DCP1A: variants seen among roughly 807,000 people sequenced by gnomAD.
The protein encoded by DCP1A is decapping mRNA 1A.
DCP1A carries 20 observed loss-of-function variants against 58.0 expected under a neutral mutation model. That is an observed-to-expected ratio of 0.34 (90% CI 0.24 to 0.50). The LOEUF (loss-of-function observed/expected upper bound fraction) is 0.50, where lower values mean the gene tolerates loss of function less well. DCP1A is among the 20% of genes least tolerant of loss of function. The probability of loss-of-function intolerance (pLI) is 0.98; values close to 1 mark genes in which losing one functional copy is unlikely to be tolerated. For missense variants in DCP1A, 613 were observed against 712.2 expected, an observed-to-expected ratio of 0.86 and a Z score of 1.59; for synonymous variants, 285 against 275.1, an observed-to-expected ratio of 1.04 and a Z score of -0.36.
chr3:53,327,441 T>C (rs186649662), intron 3 of DCP1A, among the ~76,000 whole-genome samples: 1 of 152,330 alleles, frequency 6.6e-6, no homozygotes, highest in East Asian at 1.9e-4. Flanking sequence ...GTATAAAATA[T>C]GGTAATTTTT....
intron 4 of DCP1A, among the ~76,000 whole-genome samples, chr3:53,313,812 G>A (rs1707721257): frequency 1.3e-5 from 2 of 151,788 alleles, no homozygotes; most frequent in South Asian, 4.2e-4. Flanking sequence ...TGGGGAAGAG[G>A]TGAACAGAGA....
rs1312293106 is a variant in DCP1A, at chr3:53,287,667, G to A, written c.1669-7C>T. The A allele has an allele frequency of 6.2e-7, 1 of 1,603,710 alleles. No individual in the cohort carries two copies. Among genetic ancestry groups the A allele is most frequent in the South Asian group, 1.1e-5 (1 of 90,846 alleles). On this transcript the variant is annotated splice_region_variant and splice_polypyrimidine_tract_variant and intron_variant, in intron 9 of 9. Coordinates refer to ENST00000610213, the MANE Select transcript of DCP1A (RefSeq NM_018403.7). ...TGAGGAAGCTGGAATCATTCTAGAAGAGATGGTAAAGGTTAAGGATACGAA... is the reference window on the plus strand; with the variant it reads ...TGAGGAAGCTGGAATCATTCTAGAAAAGATGGTAAAGGTTAAGGATACGAA...
intron 4 of DCP1A, among the ~76,000 whole-genome samples, chr3:53,317,930 G>C (rs1553689435): frequency 1.3e-5 from 2 of 152,230 alleles, no homozygotes; most frequent in African/African-American, 4.8e-5. Context: ...GGACATGTTA[G>C]TAGTCTTAGA....
intron 3 of DCP1A, among the ~76,000 whole-genome samples, chr3:53,327,376 T>G (rs1366467426): frequency 6.6e-6 from 1 of 152,242 alleles, no homozygotes; most frequent in Non-Finnish European, 1.5e-5. Flanking sequence ...CCAAGTGCTG[T>G]GTGGTCACAC....
intron 3 of DCP1A, among the ~76,000 whole-genome samples, chr3:53,322,469 A>T (rs1159431917): frequency 6.6e-6 from 1 of 150,442 alleles, no homozygotes; most frequent in Non-Finnish European, 1.5e-5. Flanking sequence ...AAAAAAAATT[A>T]TATATATATA....
intron 5 of DCP1A, among the ~76,000 whole-genome samples, chr3:53,307,987 T>C (rs1433971827): frequency 4.6e-5 from 7 of 152,178 alleles, no homozygotes; most frequent in African/African-American, 9.6e-5. Flanking sequence ...GTGAGATGAA[T>C]AGTTACTGTC....
chr3:53,288,496 T>A (rs1706730192), intron 8 of DCP1A: 1 of 572,898 alleles, frequency 1.7e-6, no homozygotes, highest in African/African-American at 1.9e-5. Flanking sequence ...CCCATTTATG[T>A]AAGAATGTCC....
intron 3 of DCP1A, chr3:53,333,065 TCAGA>T (rs551943883): frequency 6.6e-6 from 1 of 151,762 alleles, no homozygotes; most frequent in Admixed American, 6.6e-5. Flanking sequence ...TTTTTTCTCC[TCAGA>T]CAGACTTTAT....
intron 6 of DCP1A, among the ~76,000 whole-genome samples, chr3:53,300,632 C>A (rs1707282832): frequency 6.6e-6 from 1 of 152,014 alleles, no homozygotes; most frequent in South Asian, 2.1e-4. Context: ...AGCCACTGTG[C>A]CTGGCTGATT....
At chr3:53,309,854 G>C (rs1324905570) in intron 5 of DCP1A, among the ~76,000 whole-genome samples, 2 of 152,230 alleles carry the variant, frequency 1.3e-5, no homozygotes, top group African/African-American at 2.4e-5. Context: ...CGGAGACTCA[G>C]AATCAGGATT....
chr3:53,342,277 A>AT lies in DCP1A; in HGVS notation c.177-7dup. On this transcript the variant is annotated splice_region_variant and splice_polypyrimidine_tract_variant and intron_variant, in intron 2 of 9. Coordinates refer to ENST00000610213, the MANE Select transcript of DCP1A (RefSeq NM_018403.7). ...CATGGTAAGGGGAAGCTGACCTTAG[A>AT]TTTAATAGAAGAAAAAAAAATATGT... 1.3e-6 allele frequency: 2 copies of AT among 1,581,140 alleles called. No individual in the cohort carries two copies. The highest frequency in any genetic ancestry group is 1.7e-6 in the Non-Finnish European group (2 of 1,159,388).
chr3:53,317,019 A>G (rs1353647446), intron 4 of DCP1A, among the ~76,000 whole-genome samples: 1 of 152,166 alleles, frequency 6.6e-6, no homozygotes, highest in African/African-American at 2.4e-5. Context: ...GTTAGAGCTA[A>G]AAGAGCCAGA....
At chr3:53,327,731 C>T (rs1193824572) in intron 3 of DCP1A, among the ~76,000 whole-genome samples, 2 of 151,292 alleles carry the variant, frequency 1.3e-5, no homozygotes, top group Non-Finnish European at 1.5e-5. Flanking sequence ...GCAGAGGTTG[C>T]GGTGAGCTGA....
chr3:53,347,368 C>T lies in DCP1A; in HGVS notation c.135+15G>A. On this transcript the variant is annotated intron_variant, in intron 1 of 9. Transcript: ENST00000610213. ...AGCGGCCGGGTGGCCGTCCTCAGGG[C>T]CAGGCGGCACTCACCCACTGGTTGG... 4 of 1,566,562 alleles carry T rather than the reference C, an allele frequency of 2.6e-6. No homozygotes were observed. The highest frequency in any genetic ancestry group is 3.5e-6 in the Non-Finnish European group (4 of 1,157,252).
rs149215143 is a variant in DCP1A, at chr3:53,342,379, T to C, written c.177-108A>G. 1.1e-3 allele frequency: 901 copies of C among 838,160 alleles called. 11 individuals are homozygous for C. The East Asian group carries it at 0.018, about 17-fold the overall frequency. The allele number at this position is 838,160 out of a possible 1,614,324, so 51.9% of individuals were successfully genotyped here. On this transcript the variant is annotated intron_variant, in intron 2 of 9. Transcript: ENST00000610213. The stretch of plus-strand genomic sequence containing the variant: ...TTCAAAAAAGAATGCATTAGAACAT[T>C]ATACAATATTATCAGCACTTACATC...
chr3:53,293,751 C>T (rs1395588138), intron 6 of DCP1A, among the ~76,000 whole-genome samples: 2 of 152,036 alleles, frequency 1.3e-5, no homozygotes, highest in East Asian at 3.8e-4. Context: ...AGTATAATAT[C>T]AATATTATAA....
chr3:53,346,337 G>A (rs1553693133), intron 1 of DCP1A, among the ~76,000 whole-genome samples: 1 of 152,138 alleles, frequency 6.6e-6, no homozygotes, highest in African/African-American at 2.4e-5. Context: ...AATGCCAAAT[G>A]ATTTTCGATA....
intron 3 of DCP1A, among the ~76,000 whole-genome samples, chr3:53,324,729 T>C (rs1708063651): frequency 6.6e-6 from 1 of 152,182 alleles, no homozygotes; most frequent in South Asian, 2.1e-4. Flanking sequence ...AGACAAGTCA[T>C]TGAAAAGTTG....
At chr3:53,329,300 A>C (rs1041858035) in intron 3 of DCP1A, 3 of 398,454 alleles carry the variant, frequency 7.5e-6, no homozygotes, top group Non-Finnish European at 1.3e-5. Context: ...TGGCATTTTC[A>C]ACACTATGGA....
Sources: allele counts gnomAD v4.1 joint callset (sites outside exome capture counted in the v4.1 genomes callset), GRCh38; gene constraint gnomAD v4.1.1; transcripts MANE v1.5; gene names NCBI Gene and HGNC (gene_info 2026-07-23, HGNC 2026-07-21).